The following DYNLT2B variants were observed in gnomAD, a reference collection of about 807,000 sequenced individuals.
The protein encoded by DYNLT2B is dynein light chain Tctex-type protein 2B.
In DYNLT2B, 14 loss-of-function variants were observed where a neutral mutation model predicts 19.5. That is an observed-to-expected ratio of 0.72 (90% confidence interval 0.47 to 1.12). The LOEUF (loss-of-function observed/expected upper bound fraction) is 1.12. Among genes scored for constraint, DYNLT2B ranks in the 50% most tolerant of loss-of-function variants. The pLI, the probability that DYNLT2B is intolerant of heterozygous loss-of-function variation, is 0.00. For missense variants in DYNLT2B, 133 were observed against 174.7 expected (o/e 0.76, Z 1.35); for synonymous variants, 70 against 59.7 (o/e 1.17, Z -0.79).
rs531640334 is a variant in DYNLT2B, at chr3:196,314,059, T to C, written c.247+2039A>G. Among the ~76,000 whole-genome samples, 8 of 151,964 alleles carry C rather than the reference T, an allele frequency of 5.3e-5. No individual in the cohort carries two copies. The East Asian group carries it at 5.8e-4, about 11-fold the overall frequency. On this transcript the variant is annotated intron_variant, in intron 2 of 4. Coordinates refer to ENST00000325318, the MANE Select transcript of DYNLT2B (RefSeq NM_152773.5). ...ATTGCAGTGAGCCAAGATCATGCCATTGGACTCCAGCCTGGGCAACAACAG... is the reference window on the plus strand; with the variant it reads ...ATTGCAGTGAGCCAAGATCATGCCACTGGACTCCAGCCTGGGCAACAACAG...
At chr3:196,295,363 G>T (rs943728454) in intron 4 of DYNLT2B, among the ~76,000 whole-genome samples, 1 of 152,114 alleles carries the variant, frequency 6.6e-6, no homozygotes, top group African/African-American at 2.4e-5. Flanking sequence ...CTTTCACCAT[G>T]TTGGCCAGGC....
intron 2 of DYNLT2B, among the ~76,000 whole-genome samples, chr3:196,313,606 TAAC>T (rs1175484834): frequency 6.6e-6 from 1 of 152,204 alleles, no homozygotes. Flanking sequence ...CAAAAAATCT[TAAC>T]GATGAACCTT....
In DYNLT2B at chr3:196,316,109, T is replaced by A. The variant is rs1260136502; in HGVS notation, c.236A>T (p.Asp79Val). The change falls in exon 2 of 5, where the codon GAT (aspartate) becomes GTT (valine). Residue 79 changes from aspartate to valine, a missense_variant. Coordinates refer to ENST00000325318, the MANE Select transcript of DYNLT2B (RefSeq NM_152773.5). ...ATCACCATGATTACCTTTTAATTTA[T>A]CTTTAATGTTTTCTGATAAATGTTT... ...LTKHLSENIK[D>V]KLKEMGFDRY... The A allele has an allele frequency of 2.0e-5, 32 of 1,613,550 alleles. No homozygotes were observed. The highest frequency in any genetic ancestry group is 2.7e-5 in the Non-Finnish European group (32 of 1,179,694).
rs181211159 is a variant in DYNLT2B at position 196,291,461 on chromosome 3, C to A, written c.382-87G>T. ...GCAGCACAGGCAACTGAAACTAACA[C>A]CATCTCAGATCTTTCCAATTTTTTT... On this transcript the variant is annotated intron_variant, in intron 4 of 4. Coordinates refer to ENST00000325318, the MANE Select transcript of DYNLT2B (RefSeq NM_152773.5). The A allele has an allele frequency of 7.6e-5, 105 of 1,386,650 alleles. No homozygotes were observed. The East Asian group carries it at 2.2e-3, about 29-fold the overall frequency. 85.9% of individuals were successfully genotyped at this position (1,386,650 alleles called of 1,614,324 possible).
At chr3:196,309,393 G>C (rs1232522719) in intron 2 of DYNLT2B, among the ~76,000 whole-genome samples, 3 of 152,056 alleles carry the variant, frequency 2.0e-5, no homozygotes, top group Non-Finnish European at 4.4e-5. Flanking sequence ...AGACTCCCGA[G>C]TAGCTGGGAT....
chr3:196,312,886 A>C (rs1726679068), intron 2 of DYNLT2B, among the ~76,000 whole-genome samples: 1 of 152,184 alleles, frequency 6.6e-6, no homozygotes, highest in African/African-American at 2.4e-5. Flanking sequence ...AGGAGTTGAA[A>C]TAAGGAACTC....
chr3:196,303,595 A>T (rs1726411901), intron 3 of DYNLT2B, among the ~76,000 whole-genome samples: 1 of 152,230 alleles, frequency 6.6e-6, no homozygotes, highest in Non-Finnish European at 1.5e-5. Flanking sequence ...ACTAATCATT[A>T]GCAGAAAAAT....
chr3:196,299,041 A>G (rs1726286671), intron 3 of DYNLT2B, among the ~76,000 whole-genome samples: 1 of 151,364 alleles, frequency 6.6e-6, no homozygotes, highest in Non-Finnish European at 1.5e-5. Context: ...CCTCCCGAGT[A>G]GCTGGGATAA....
chr3:196,292,999 G>C (rs147072290), intron 4 of DYNLT2B, among the ~76,000 whole-genome samples: 1 of 152,038 alleles, frequency 6.6e-6, no homozygotes, highest in African/African-American at 2.4e-5. Flanking sequence ...GACTACAGGC[G>C]CCCGCCACCT....
At chr3:196,303,897 C>T (rs1197102322) in intron 3 of DYNLT2B, among the ~76,000 whole-genome samples, 1 of 152,088 alleles carries the variant, frequency 6.6e-6, no homozygotes, top group Non-Finnish European at 1.5e-5. Context: ...GTAGATGATG[C>T]CTGTAACCCC....
intron 3 of DYNLT2B, among the ~76,000 whole-genome samples, chr3:196,305,316 A>T (rs1726459277): frequency 6.6e-6 from 1 of 152,198 alleles, no homozygotes; most frequent in Non-Finnish European, 1.5e-5. Context: ...TATAGAAAAC[A>T]GTATTTCCCC....
At chr3:196,304,774 A>G (rs1196989486) in intron 3 of DYNLT2B, among the ~76,000 whole-genome samples, 1 of 152,168 alleles carries the variant, frequency 6.6e-6, no homozygotes, top group African/African-American at 2.4e-5. Context: ...AGAAAGTAAT[A>G]GTGGCTAGAG....
chr3:196,296,412 A>G (rs1726224096), intron 3 of DYNLT2B: 1 of 181,086 alleles, frequency 5.5e-6, no homozygotes, highest in Admixed American at 6.1e-5. Context: ...AAGGCACAGA[A>G]AGAGCCCAAC....
At position 196,318,065 on chromosome 3, in the gene DYNLT2B, T is replaced by C; in HGVS notation, c.88A>G (p.Ile30Val). ...CTCTGCTGGAAAACAGGCCGCAGAA[T>C]ATAGGTGTTCTCGGGCTCCCCTGCG... The part of the protein sequence containing the change: ...KNAGEPENTY[I>V]LRPVFQQRFR... Residue 30 changes from isoleucine to valine, a missense_variant, in exon 1 of 5, where the codon ATT becomes GTT. Coordinates refer to ENST00000325318, the MANE Select transcript of DYNLT2B (RefSeq NM_152773.5). The C allele has an allele frequency of 1.3e-6, 2 of 1,559,122 alleles. No individual in the cohort carries two copies. The highest frequency in any genetic ancestry group is 1.7e-6 in the Non-Finnish European group (2 of 1,156,756).
At chr3:196,317,257 AT>A (rs1239598825) in intron 1 of DYNLT2B, among the ~76,000 whole-genome samples, 7 of 51,118 alleles carry the variant, frequency 1.4e-4, no homozygotes, top group African/African-American at 4.5e-4. Context: ...TGAGCCTGAC[AT>A]TTTTTTTCAG....
intron 3 of DYNLT2B, among the ~76,000 whole-genome samples, chr3:196,303,367 G>A (rs1726405807): frequency 6.6e-6 from 1 of 152,176 alleles, no homozygotes; most frequent in African/African-American, 2.4e-5. Flanking sequence ...CTGTCATGAT[G>A]AATCGGCTCT....
At chr3:196,316,655 T>C (rs1407209241) in intron 1 of DYNLT2B, among the ~76,000 whole-genome samples, 2 of 152,218 alleles carry the variant, frequency 1.3e-5, no homozygotes, top group Non-Finnish European at 2.9e-5. Flanking sequence ...AGGGTATCTT[T>C]CTCTGTGTTC....
chr3:196,296,883 G>A (rs983655338), intron 3 of DYNLT2B, among the ~76,000 whole-genome samples: 2 of 152,000 alleles, frequency 1.3e-5, no homozygotes, highest in East Asian at 1.9e-4. Flanking sequence ...CCTGTGAACA[G>A]CCACTGCACT....
At chr3:196,294,435 T>C (rs1231212126) in intron 4 of DYNLT2B, among the ~76,000 whole-genome samples, 1 of 152,224 alleles carries the variant, frequency 6.6e-6, no homozygotes, top group Non-Finnish European at 1.5e-5. Context: ...ACATAAGCAG[T>C]GTCCATATCT....
Sources: allele counts gnomAD v4.1 joint callset (sites outside exome capture counted in the v4.1 genomes callset), GRCh38; gene constraint gnomAD v4.1.1; transcripts MANE v1.5; gene names NCBI Gene and HGNC (gene_info 2026-07-23, HGNC 2026-07-21).